PARD3: variants seen among roughly 807,000 people sequenced by gnomAD.
PARD3 encodes partitioning defective 3 homolog.
Under a neutral mutation model 155.4 loss-of-function variants are expected in PARD3, and 75 were observed. The observed-to-expected ratio is 0.48, with a 90% CI of 0.40 to 0.58. The LOEUF (loss-of-function observed/expected upper bound fraction) is 0.58. Ranked by LOEUF, PARD3 falls within the 20% of genes least tolerant of loss-of-function variation. The pLI, the probability that PARD3 is intolerant of heterozygous loss-of-function variation, is 0.00. For missense variants in PARD3, 1,642 were observed against 1,721.7 expected (o/e 0.95, Z 0.82); for synonymous variants, 576 against 610.5 (o/e 0.94, Z 0.83).
chr10:34,619,566 A>G (rs369822375), intron 2 of PARD3, among the ~76,000 whole-genome samples: 3 of 152,094 alleles, frequency 2.0e-5, no homozygotes, highest in East Asian at 1.9e-4. Flanking sequence ...TTTTTATTTT[A>G]CCACCACCAC....
At chr10:34,776,900 A>C (rs1303205385) in intron 1 of PARD3, among the ~76,000 whole-genome samples, 1 of 149,948 alleles carries the variant, frequency 6.7e-6, no homozygotes, top group African/African-American at 2.5e-5. Context: ...GCAATGGCAC[A>C]ATCTCAGCTC....
chr10:34,383,803 G>A (rs1352598820), intron 8 of PARD3, among the ~76,000 whole-genome samples: 1 of 152,126 alleles, frequency 6.6e-6, no homozygotes, highest in Non-Finnish European at 1.5e-5. Context: ...GAGAAACTGT[G>A]TGCAGCAAAG....
At chr10:34,716,199 G>T (rs963600993) in intron 1 of PARD3, among the ~76,000 whole-genome samples, 1 of 152,060 alleles carries the variant, frequency 6.6e-6, no homozygotes, top group Non-Finnish European at 1.5e-5. Flanking sequence ...AATGTAATGC[G>T]TGTGCCTTCA....
intron 5 of PARD3, among the ~76,000 whole-genome samples, chr10:34,404,125 C>T (rs971867895): frequency 6.6e-6 from 1 of 152,176 alleles, no homozygotes; most frequent in African/African-American, 2.4e-5. Flanking sequence ...CATACAGTGT[C>T]CAGTTTGGAT....
intron 24 of PARD3, among the ~76,000 whole-genome samples, chr10:34,116,073 G>T (rs1359300976): frequency 6.6e-6 from 1 of 152,166 alleles, no homozygotes; most frequent in Non-Finnish European, 1.5e-5. Context: ...ATCCTATTCT[G>T]ATTGAGAACT....
At chr10:34,797,791 C>T in intron 1 of PARD3, among the ~76,000 whole-genome samples, 1 of 152,162 alleles carries the variant, frequency 6.6e-6, no homozygotes, top group Non-Finnish European at 1.5e-5. Flanking sequence ...CACTGCCCTT[C>T]CTTAACCAAT....
At chr10:34,542,333 C>T (rs535270503) in intron 2 of PARD3, among the ~76,000 whole-genome samples, 5 of 152,040 alleles carry the variant, frequency 3.3e-5, no homozygotes, top group East Asian at 1.9e-4. Context: ...GGCAATTTTG[C>T]CCCCAGGGGA....
intron 2 of PARD3, among the ~76,000 whole-genome samples, chr10:34,669,281 T>C (rs952249094): frequency 4.6e-5 from 7 of 152,054 alleles, no homozygotes; most frequent in African/African-American, 1.4e-4. Flanking sequence ...TATTCAGCCA[T>C]AAAAAAGAAT....
At chr10:34,533,661 A>G (rs2083014360) in intron 2 of PARD3, among the ~76,000 whole-genome samples, 1 of 152,052 alleles carries the variant, frequency 6.6e-6, no homozygotes, top group South Asian at 2.1e-4. Context: ...TACAAAAATC[A>G]GCCAGGCATG....
At chr10:34,368,565 A>C (rs1235175345) in intron 12 of PARD3, among the ~76,000 whole-genome samples, 3 of 152,068 alleles carry the variant, frequency 2.0e-5, no homozygotes, top group African/African-American at 7.2e-5. Flanking sequence ...CCAGCTACTC[A>C]GGAGGCTGAG....
chr10:34,807,932 A>G (rs10827433), intron 1 of PARD3, among the ~76,000 whole-genome samples: 53,755 of 152,140 alleles, frequency 0.35, 10,654 homozygotes, highest in African/African-American at 0.55. Context: ...GAAGGCACAG[A>G]CCTATACACG....
At chr10:34,204,956 T>C (rs1041567836) in intron 22 of PARD3, among the ~76,000 whole-genome samples, 13 of 152,190 alleles carry the variant, frequency 8.5e-5, no homozygotes, top group Admixed American at 2.6e-4. Flanking sequence ...CAGGGGAAGG[T>C]AGTTTTAGAC....
At chr10:34,651,031 A>C (rs2092998695) in intron 2 of PARD3, among the ~76,000 whole-genome samples, 2 of 136,286 alleles carry the variant, frequency 1.5e-5, no homozygotes, top group Non-Finnish European at 3.3e-5. Flanking sequence ...AAAAAAAAAA[A>C]AAAAAAAAAA....
intron 5 of PARD3, among the ~76,000 whole-genome samples, chr10:34,411,773 T>C (rs1000195483): frequency 2.7e-5 from 4 of 145,922 alleles, no homozygotes; most frequent in Admixed American, 6.9e-5. Flanking sequence ...GATAGATAGA[T>C]AGATAGACAG....
intron 12 of PARD3, among the ~76,000 whole-genome samples, chr10:34,371,913 C>T (rs1248239730): frequency 1.3e-5 from 2 of 152,058 alleles, no homozygotes; most frequent in Non-Finnish European, 2.9e-5. Flanking sequence ...TGGAACTAAG[C>T]TTACTCTTTT....
At chr10:34,312,402 C>T (rs1564572683) in intron 20 of PARD3, 2 of 1,611,988 alleles carry the variant, frequency 1.2e-6, no homozygotes, top group Non-Finnish European at 1.7e-6. Context: ...AGACACGGTA[C>T]AGACACACAG....
intron 1 of PARD3, among the ~76,000 whole-genome samples, chr10:34,697,617 C>G (rs1217435507): frequency 6.6e-6 from 1 of 152,158 alleles, no homozygotes; most frequent in Non-Finnish European, 1.5e-5. Flanking sequence ...ACCAGCACAG[C>G]AAGTAACTCA....
chr10:34,470,816 A>G (rs1355457338), intron 3 of PARD3, among the ~76,000 whole-genome samples: 1 of 152,222 alleles, frequency 6.6e-6, no homozygotes, highest in Non-Finnish European at 1.5e-5. Context: ...AAAACACAGA[A>G]TCTATATAGT....
intron 1 of PARD3, among the ~76,000 whole-genome samples, chr10:34,753,108 T>C (rs1322040752): frequency 6.6e-6 from 1 of 152,226 alleles, no homozygotes; most frequent in Non-Finnish European, 1.5e-5. Flanking sequence ...GCCTCAGGAT[T>C]GGTCTGAAAA....
Sources: allele counts gnomAD v4.1 joint callset (sites outside exome capture counted in the v4.1 genomes callset), GRCh38; gene constraint gnomAD v4.1.1; transcripts MANE v1.5; gene names NCBI Gene and HGNC (gene_info 2026-07-23, HGNC 2026-07-21).